The following SLC37A1 variants were observed in gnomAD, a reference collection of about 807,000 sequenced individuals.
The protein encoded by SLC37A1 is solute carrier family 37 member 1.
Under a neutral mutation model 75.3 loss-of-function variants are expected in SLC37A1, and 49 were observed. The ratio of observed to expected loss-of-function variants is 0.65; its 90% CI spans 0.52 to 0.83. The LOEUF is 0.83. SLC37A1 is among the 40% of genes least tolerant of loss of function. SLC37A1 has a pLI of 0.00. For synonymous variants in SLC37A1, 268 were observed against 292.1 expected (o/e 0.92, Z 0.84); for missense variants, 566 against 695.0 (o/e 0.81, Z 2.09).
In SLC37A1 at chr21:42,572,388, T is replaced by C. The variant is rs369840461; in HGVS notation, c.1424-2430T>C. On this transcript the variant is annotated intron_variant, in intron 17 of 19. Coordinates refer to ENST00000352133, the MANE Select transcript of SLC37A1 (RefSeq NM_001320537.2). ...TTTGATAAGTTTTCCTACCATTTTC[T>C]GATTTGTTTTTTCTTTCTGGAAAAT... is the stretch of plus-strand genomic sequence containing the variant. Among the ~76,000 whole-genome samples, 14 of 152,286 alleles carry C rather than the reference T, an allele frequency of 9.2e-5. No homozygotes were observed. In the South Asian group the frequency reaches 1.2e-3, roughly 14 times the overall value.
At chr21:42,575,019 G>C (rs111924677) in intron 18 of SLC37A1, 104 bp downstream of exon 18, 19 of 1,535,468 alleles carry the variant, frequency 1.2e-5, no homozygotes, top group Non-Finnish European at 1.6e-5. Flanking sequence ...AGTTATCAGA[G>C]AGGTTTGGGT....
intron 19 of SLC37A1, 63 bp downstream of exon 19, chr21:42,579,863 A>G (rs2056387956): frequency 5.9e-6 from 9 of 1,536,146 alleles, no homozygotes; most frequent in South Asian, 3.4e-5. Context: ...CTTCTGTCCT[A>G]TCTGCCTTCT....
intron 6 of SLC37A1, among the ~76,000 whole-genome samples, chr21:42,541,154 A>G (rs780465443): frequency 2.6e-5 from 4 of 152,196 alleles, no homozygotes; most frequent in Admixed American, 6.5e-5. Context: ...GATCCCTCAC[A>G]TGTGCAGTTC....
At chr21:42,535,364 T>C (rs1478174126) in intron 4 of SLC37A1, 108 bp from the exon 5 acceptor site, 1 of 931,842 alleles carries the variant, frequency 1.1e-6, no homozygotes, top group African/African-American at 1.6e-5. Flanking sequence ...CGCGTTTCAC[T>C]AAGTACACCC....
At chr21:42,566,069 G>T (rs1484015829) in intron 15 of SLC37A1, among the ~76,000 whole-genome samples, 194 bp downstream of exon 15, 2 of 152,228 alleles carry the variant, frequency 1.3e-5, no homozygotes, top group East Asian at 3.8e-4. Context: ...CCAGTGCGAG[G>T]CTTGCCATTC....
chr21:42,539,401 T>TC, intron 5 of SLC37A1, 111 bp from the exon 6 acceptor site: 1 of 1,262,100 alleles, frequency 7.9e-7, no homozygotes, highest in Non-Finnish European at 1.1e-6. Flanking sequence ...GCTTGAGAGT[T>TC]CCCCAAGCTC....
chr21:42,577,668 C>G (rs1461954304), intron 18 of SLC37A1, among the ~76,000 whole-genome samples: 1 of 152,088 alleles, frequency 6.6e-6, no homozygotes, highest in Non-Finnish European at 1.5e-5. Context: ...AGGGTAAATA[C>G]AGAAATACAG....
intron 10 of SLC37A1, among the ~76,000 whole-genome samples, chr21:42,558,585 A>T (rs570639942): frequency 4.0e-4 from 61 of 152,364 alleles, no homozygotes; most frequent in African/African-American, 1.4e-3. Context: ...ATTTTCCGTC[A>T]TTAAAATCTC....
At chr21:42,534,944 G>A in intron 4 of SLC37A1, 114 bp downstream of exon 4, 1 of 1,383,092 alleles carries the variant, frequency 7.2e-7, no homozygotes, top group Non-Finnish European at 9.7e-7. Flanking sequence ...TTCCATGACA[G>A]CCCTCTCCTA....
chr21:42,555,086 A>G (rs773820777), intron 10 of SLC37A1, among the ~76,000 whole-genome samples: 21 of 151,008 alleles, frequency 1.4e-4, no homozygotes, highest in Non-Finnish European at 2.4e-4. Flanking sequence ...CCTGGGTTCA[A>G]GTGATTCTCC....
chr21:42,575,492 T>C, intron 18 of SLC37A1: 1 of 985,462 alleles, frequency 1.0e-6, no homozygotes, highest in Non-Finnish European at 1.2e-6. Context: ...TTCTCTGGGC[T>C]CCTGCTTCTG....
At chr21:42,503,229 A>G (rs1439084800) in intron 2 of SLC37A1, among the ~76,000 whole-genome samples, 1 of 150,438 alleles carries the variant, frequency 6.6e-6, no homozygotes. Flanking sequence ...AAGGGGTATT[A>G]CTTAAGGAAA....
At chr21:42,522,892 G>A (rs73374157) in intron 2 of SLC37A1, among the ~76,000 whole-genome samples, 1,880 of 152,330 alleles carry the variant, frequency 0.012, 25 homozygotes, top group African/African-American at 0.043. Context: ...GGCATCTCTA[G>A]GCGTGTGCTG....
chr21:42,513,662 C>G (rs1023278328), upstream of SLC37A1, among the ~76,000 whole-genome samples: 1 of 150,552 alleles, frequency 6.6e-6, no homozygotes, highest in African/African-American at 2.4e-5. Context: ...AAAGGCCGGG[C>G]AGTGCCGCAA....
At chr21:42,527,719 G>A (rs964210260) in intron 3 of SLC37A1, among the ~76,000 whole-genome samples, 3 of 152,138 alleles carry the variant, frequency 2.0e-5, no homozygotes, top group South Asian at 2.1e-4. Context: ...GGGTTTGTCC[G>A]GGTTTAATTA....
rs181313897 is a variant in SLC37A1 at position 42,563,567 on chromosome 21, G to A, written c.1073-248G>A. 4.2e-4 allele frequency among the ~76,000 whole-genome samples: 64 copies of A among 152,362 alleles called. 1 individual carries two copies. In the East Asian group the frequency reaches 0.012, roughly 28 times the overall value. Reference sequence around the variant, plus strand: ...AACTTTATGGCGGAGGGGCCCCTGGGGGGGTCTCTGAACCAAAGGTGGGAT... The same window carrying A: ...AACTTTATGGCGGAGGGGCCCCTGGAGGGGTCTCTGAACCAAAGGTGGGAT... On this transcript the variant is annotated intron_variant, in intron 12 of 19. Transcript: ENST00000352133.
At chr21:42,573,495 C>A (rs909331998) in intron 17 of SLC37A1, among the ~76,000 whole-genome samples, 1 of 152,020 alleles carries the variant, frequency 6.6e-6, no homozygotes, top group African/African-American at 2.4e-5. Context: ...ACGTGCCCTT[C>A]GGTGGGAGGA....
rs59155326 is a variant in SLC37A1, at chr21:42,564,223, CA to C, written c.1135+362del. Among the ~76,000 whole-genome samples the C allele has an allele frequency of 8.9e-4, 71 of 79,962 alleles. No individual in the cohort carries two copies. The East Asian group carries it at 0.011, about 13-fold the overall frequency. The allele number at this position is 79,962 out of a possible 152,430, so 52.5% of individuals were successfully genotyped here. A position where few individuals can be genotyped will look rare whatever the true frequency, so the allele number is the denominator to read the frequency against. On this transcript the variant is annotated intron_variant, in intron 13 of 19. Coordinates refer to ENST00000352133, the MANE Select transcript of SLC37A1 (RefSeq NM_001320537.2). Reference sequence around the variant, plus strand: ...GGCAACATAACAAGACCCCTCTCTACAAAAAAAAAAAAAAAAGCATAGCTGG... The same window carrying C: ...GGCAACATAACAAGACCCCTCTCTACAAAAAAAAAAAAAAAGCATAGCTGG...
chr21:42,551,736 C>T (rs767764796), intron 9 of SLC37A1, among the ~76,000 whole-genome samples: 1 of 152,234 alleles, frequency 6.6e-6, no homozygotes, highest in African/African-American at 2.4e-5. Context: ...GCAAGGTCCA[C>T]TCCTTCTGAT....
Sources: gnomAD v4.1 joint callset for allele counts (sites outside exome capture counted in the v4.1 genomes callset) on GRCh38, gnomAD v4.1.1 for gene constraint, MANE v1.5 for transcripts, NCBI Gene and HGNC (gene_info 2026-07-23, HGNC 2026-07-21) for gene names.